The following CFAP65 variants were observed in gnomAD, a reference collection of about 807,000 sequenced individuals.
The protein encoded by CFAP65 is cilia- and flagella-associated protein 65.
A neutral mutation model predicts 208.0 loss-of-function variants in CFAP65; 155 were observed. The observed-to-expected ratio is 0.75, with a 90% CI of 0.65 to 0.85. The LOEUF is 0.85. CFAP65 is among the 40% of genes least tolerant of loss of function. The pLI, the probability that CFAP65 is intolerant of heterozygous loss-of-function variation, is 0.00. For synonymous variants in CFAP65, 970 were observed against 986.3 expected, an observed-to-expected ratio of 0.98 and a Z score of 0.31; for missense variants, 2,294 against 2,451.3, an observed-to-expected ratio of 0.94 and a Z score of 1.36.
chr2:219,019,441 G>A, intron 20 of CFAP65, 65 bp downstream of exon 20: 1 of 1,368,554 alleles, frequency 7.3e-7, no homozygotes, highest in African/African-American at 1.4e-5. Flanking sequence ...TGGGCAGAAA[G>A]CTCCATGAAC....
rs1446393339 is a variant in CFAP65, at chr2:219,032,977, G to A, written c.543-405C>T. Among the ~76,000 whole-genome samples the A allele has an allele frequency of 6.6e-6, 1 of 152,120 alleles. No individual in the cohort carries two copies. The highest frequency in any genetic ancestry group is 1.9e-4 in the East Asian group (1 of 5,186). On this transcript the variant is annotated intron_variant, in intron 5 of 34. Coordinates refer to ENST00000341552, the MANE Select transcript of CFAP65 (RefSeq NM_194302.4). The surrounding 1 kb of genome is among the most constrained non-coding windows in gnomAD (Gnocchi z 5.5). ...GCAGAGCTGTAGCATCCCACAGTGG[G>A]TCAGAACCACAGCTGCTGCAGACTT...
At chr2:219,039,380 G>A (rs1449027286) in intron 2 of CFAP65, among the ~76,000 whole-genome samples, 1 of 151,994 alleles carries the variant, frequency 6.6e-6, no homozygotes. Context: ...TTGTTACCTC[G>A]ACAAAAGGAC....
At chr2:219,009,285 A>C (rs1574528932) in intron 28 of CFAP65, 62 bp downstream of exon 28, 1 of 1,468,270 alleles carries the variant, frequency 6.8e-7, no homozygotes, top group Admixed American at 1.7e-5. Flanking sequence ...AGCCCATCAC[A>C]CCCCACCCCA....
At chr2:219,013,052 C>A (rs746708727) in intron 24 of CFAP65, among the ~76,000 whole-genome samples, 64 of 152,154 alleles carry the variant, frequency 4.2e-4, no homozygotes, top group Admixed American at 1.6e-3. Context: ...CTGGGCCTGG[C>A]AAAGGGCTTA....
At chr2:219,013,752 G>T in intron 22 of CFAP65, 116 bp downstream of exon 22, 1 of 1,167,800 alleles carries the variant, frequency 8.6e-7, no homozygotes, top group Non-Finnish European at 1.3e-6. Flanking sequence ...CTGCAGGTGA[G>T]AAGGTGGTCC....
chr2:219,023,845 G>T (rs1002483663), intron 15 of CFAP65, among the ~76,000 whole-genome samples, 170 bp downstream of exon 15: 3 of 152,224 alleles, frequency 2.0e-5, no homozygotes, highest in African/African-American at 4.8e-5. Flanking sequence ...GGGTGGGAGA[G>T]TTGTTCACAG....
Position 219,028,312 on chromosome 2 carries a change from G to A in CFAP65, c.1740C>T (p.Arg580=), listed in dbSNP as rs773403308. The A allele has an allele frequency of 8.1e-6, 13 of 1,614,028 alleles. No homozygotes were observed. The highest frequency in any genetic ancestry group is 1.0e-5 in the Non-Finnish European group (12 of 1,180,020). ...GCGTCAGGCCCCGGGCCAGGTGTGT[G>A]CGGTACCAGGTGAGGTGCTGAGGCT... ...ILKPQHLTWY[R]THLARGLTLY... The change falls in exon 12 of 35, where the codon CGC becomes CGT. Residue 580 remains arginine (R), a synonymous_variant. Coordinates refer to ENST00000341552, the MANE Select transcript of CFAP65 (RefSeq NM_194302.4).
chr2:219,003,295 A>G lies in CFAP65; in HGVS notation c.5556-23T>C. On this transcript the variant is annotated intron_variant, in intron 33 of 34. Transcript: ENST00000341552. This position sits in a 1 kb window ranked among gnomAD's most constrained non-coding sequence, Gnocchi z 4.4. ...AGCCTGCGAGGGGGCGGGGGCTAGCATGAGGGCGGCCGCAGTGCCCGCGCG... is the reference window on the plus strand; with the variant it reads ...AGCCTGCGAGGGGGCGGGGGCTAGCGTGAGGGCGGCCGCAGTGCCCGCGCG... 1.3e-6 allele frequency: 2 copies of G among 1,504,250 alleles called. No individual in the cohort carries two copies. Among genetic ancestry groups the G allele is most frequent in the Non-Finnish European group, 1.8e-6 (2 of 1,124,386 alleles). 93.2% of individuals were successfully genotyped at this position (1,504,250 alleles called of 1,614,324 possible).
At chr2:219,027,430 G>T in intron 13 of CFAP65, 1 of 1,514,994 alleles carries the variant, frequency 6.6e-7, no homozygotes, top group African/African-American at 1.4e-5. Flanking sequence ...CCTTGGAGGG[G>T]AGGGGAGACT....
intron 4 of CFAP65, among the ~76,000 whole-genome samples, chr2:219,037,438 CT>C (rs1283056768): frequency 6.6e-6 from 1 of 152,172 alleles, no homozygotes; most frequent in African/African-American, 2.4e-5. Context: ...AGGAAATTTA[CT>C]GCATAACCAT....
intron 26 of CFAP65, 114 bp from the exon 27 acceptor site, chr2:219,010,199 C>A: frequency 9.6e-7 from 1 of 1,044,012 alleles, no homozygotes; most frequent in Non-Finnish European, 1.4e-6. Flanking sequence ...GTCAGAAAAT[C>A]GAGACCACTG....
At position 219,030,737 on chromosome 2, in the gene CFAP65, A is replaced by G. The variant is rs371003368; in HGVS notation, c.1113T>C (p.Ala371=). The change falls in exon 9 of 35, where the codon GCT becomes GCC. Residue 371 remains alanine, a synonymous_variant. Transcript: ENST00000341552. ...FQKLLYFGSV[A]VGCTSERQIR... The stretch of plus-strand genomic sequence containing the variant: ...TCTGCCTCTCCGAGGTGCAGCCCAC[A>G]GCAACAGAGCCAAAGTACAACAGCT... 31 of 1,614,072 alleles carry G rather than the reference A, an allele frequency of 1.9e-5. No individual in the cohort carries two copies. Among genetic ancestry groups the G allele is most frequent in the Middle Eastern group, 1.6e-4 (1 of 6,082 alleles).
In CFAP65 at chr2:219,006,473, T is replaced by G. The variant is rs1366704143; in HGVS notation, c.4711A>C (p.Lys1571Gln). ...GGGGCTCGCCGCCTCACCTTGTACT[T>G]CCTCGCAGGTTCACAGGCTGTGCAG... ...TCCTACEPARKYKTLPPIKNQ... is the reference protein window; with the variant it reads ...TCCTACEPARQYKTLPPIKNQ... The change falls in exon 30 of 35, where the codon AAG becomes CAG. Residue 1571 changes from lysine to glutamine, a missense_variant. Physicochemically the swap from Lys to Gln is moderately conservative, Grantham distance 53. Around this residue, in one of 2 missense-constraint regions of CFAP65, gnomAD observed 1,427 missense variants for 1,438.7 expected, o/e 0.99. Coordinates refer to ENST00000341552, the MANE Select transcript of CFAP65 (RefSeq NM_194302.4). 6.2e-7 allele frequency: 1 copy of G among 1,613,640 alleles called. No individual in the cohort carries two copies. The highest frequency in any genetic ancestry group is 1.1e-5 in the South Asian group (1 of 91,064).
Position 219,006,093 on chromosome 2 carries a change from G to T in CFAP65, c.4850C>A (p.Thr1617Asn). The T allele has an allele frequency of 6.2e-7, 1 of 1,613,608 alleles. No homozygotes were observed. The highest frequency in any genetic ancestry group is 1.1e-5 in the South Asian group (1 of 91,082). The change falls in exon 31 of 35, where the codon ACT becomes AAT. Residue 1617 changes from threonine to asparagine, a missense_variant. Thr to Asn is a moderately conservative substitution (Grantham distance 65). Around this residue, in one of 2 missense-constraint regions of CFAP65, gnomAD observed 1,427 missense variants for 1,438.7 expected, o/e 0.99. Transcript: ENST00000341552. ...GTAGTCGGTGGCATGGGCTCGGGCA[G>T]TAAGGCCCAGGCAGAGCATGCCTGG... ...PSPGMLCLGLTARAHATDYFL... is the reference protein window; with the variant it reads ...PSPGMLCLGLNARAHATDYFL...
rs766495670 is a variant in CFAP65 at position 219,031,514 on chromosome 2, C to A, written c.790G>T (p.Ala264Ser). 1.8e-5 allele frequency: 29 copies of A among 1,614,124 alleles called. No homozygotes were observed. Among genetic ancestry groups the A allele is most frequent in the Non-Finnish European group, 2.4e-5 (28 of 1,180,040 alleles). The change falls in exon 7 of 35, where the codon GCC (alanine) becomes TCC (serine). Residue 264 changes from alanine (A) to serine (S), a missense_variant. Ala to Ser is a moderately conservative substitution (Grantham distance 99). Transcript: ENST00000341552. This position sits in a 1 kb window ranked among gnomAD's most constrained non-coding sequence, Gnocchi z 5.2. ...CCCACATTATCCAGGCAGAAAAAGG[C>A]CTCAGTCGTATCTCCCACAGCACAC... ...PMCAVGDTTE[A>S]FFCLDNVGDL...
chr2:219,025,434 G>A (rs915446216), intron 14 of CFAP65, among the ~76,000 whole-genome samples: 3 of 152,202 alleles, frequency 2.0e-5, no homozygotes, highest in African/African-American at 4.8e-5. Flanking sequence ...ACCTCCAGGC[G>A]ATGGAGACTG....
intron 21 of CFAP65, 115 bp from the exon 22 acceptor site, chr2:219,014,159 G>T (rs1946680339): frequency 4.5e-6 from 4 of 882,428 alleles, no homozygotes; most frequent in Non-Finnish European, 6.6e-6. Context: ...CGCACTTCAT[G>T]CACCCATTTG....
intron 19 of CFAP65, 125 bp downstream of exon 19, chr2:219,021,027 C>G: frequency 8.9e-7 from 1 of 1,119,296 alleles, no homozygotes; most frequent in Non-Finnish European, 1.2e-6. Flanking sequence ...CAAAGGCACA[C>G]CTCAGCACAC....
At chr2:219,020,849 C>G (rs1283864842) in intron 19 of CFAP65, among the ~76,000 whole-genome samples, 1 of 152,214 alleles carries the variant, frequency 6.6e-6, no homozygotes. Flanking sequence ...CTGGGGCAGG[C>G]TAGTAAGTAC....
Sources: gnomAD v4.1 joint callset for allele counts (sites outside exome capture counted in the v4.1 genomes callset) on GRCh38, gnomAD v4.1.1 for gene constraint, gnomAD v4.1.1 regional missense constraint, Gnocchi (gnomAD v3.1) non-coding constraint, MANE v1.5 for transcripts, NCBI Gene and HGNC (gene_info 2026-07-23, HGNC 2026-07-21) for gene names.